The following DLGAP2 variants were observed in gnomAD, a reference collection of about 807,000 sequenced individuals.
DLGAP2 encodes the protein DLG associated protein 2.
A neutral mutation model predicts 100.3 loss-of-function variants in DLGAP2; 26 were observed. The observed-to-expected ratio is 0.26, with a 90% CI of 0.19 to 0.36. DLGAP2 has a LOEUF of 0.36. Ranked by LOEUF, DLGAP2 falls within the 10% of genes least tolerant of loss-of-function variation. The pLI is 1.00. For missense variants in DLGAP2, 1,858 were observed against 1,453.2 expected (o/e 1.28, Z -4.53); for synonymous variants, 886 against 630.1 (o/e 1.41, Z -6.08).
At chr8:1,592,468 C>A (rs907957712) in intron 6 of DLGAP2, among the ~76,000 whole-genome samples, 4 of 152,024 alleles carry the variant, frequency 2.6e-5, no homozygotes, top group African/African-American at 9.7e-5. Context: ...AAATATGGTC[C>A]TGTTGCACAT....
intron 3 of DLGAP2, among the ~76,000 whole-genome samples, chr8:1,360,405 G>C (rs1801957006): frequency 6.6e-6 from 1 of 152,082 alleles, no homozygotes; most frequent in Admixed American, 6.5e-5. Flanking sequence ...GCCTGTGTTG[G>C]AGTAGAGTGC....
chr8:1,575,142 C>T (rs1314710588), intron 6 of DLGAP2, among the ~76,000 whole-genome samples: 1 of 152,158 alleles, frequency 6.6e-6, no homozygotes. Context: ...GACTAGTATT[C>T]CACACCGTAT....
chr8:1,130,720 A>T (rs1250885217), intron 2 of DLGAP2, among the ~76,000 whole-genome samples: 1 of 152,234 alleles, frequency 6.6e-6, no homozygotes, highest in Admixed American at 6.5e-5. Context: ...AGGGCGTCCC[A>T]AGACAGACCG....
intron 4 of DLGAP2, among the ~76,000 whole-genome samples, chr8:1,505,877 C>T (rs1290039794): frequency 1.3e-5 from 2 of 152,090 alleles, no homozygotes. Flanking sequence ...TTATTTGCAT[C>T]TATGAAGAGT....
chr8:1,429,468 A>G (rs555127441), intron 3 of DLGAP2, among the ~76,000 whole-genome samples: 50 of 152,316 alleles, frequency 3.3e-4, no homozygotes, highest in African/African-American at 1.2e-3. Context: ...AACAAAGTAC[A>G]GGAGACATAA....
chr8:1,240,095 C>G (rs1315756195), intron 2 of DLGAP2, among the ~76,000 whole-genome samples: 3 of 150,770 alleles, frequency 2.0e-5, no homozygotes, highest in Non-Finnish European at 2.9e-5. Context: ...TTCTAGTTCT[C>G]TCACATGGCG....
intron 2 of DLGAP2, among the ~76,000 whole-genome samples, chr8:1,062,675 C>A (rs576090766): frequency 1.3e-5 from 2 of 152,248 alleles, no homozygotes; most frequent in East Asian, 3.9e-4. Context: ...ATAGGTCTTG[C>A]CTTTCTTATA....
chr8:1,565,357 C>T (rs1040460487), intron 5 of DLGAP2, among the ~76,000 whole-genome samples: 17 of 150,192 alleles, frequency 1.1e-4, no homozygotes, highest in African/African-American at 4.2e-4. Flanking sequence ...TCAATTTCCT[C>T]TTATACCAGA....
intron 5 of DLGAP2, among the ~76,000 whole-genome samples, chr8:1,557,192 A>G (rs928164260): frequency 1.3e-5 from 2 of 152,294 alleles, no homozygotes; most frequent in Middle Eastern, 3.4e-3. Context: ...TGGGGGCAGA[A>G]TTACCTGGTT....
chr8:1,387,814 A>G (rs1796254479), intron 3 of DLGAP2, among the ~76,000 whole-genome samples: 1 of 152,160 alleles, frequency 6.6e-6, no homozygotes, highest in South Asian at 2.1e-4. Context: ...GAACCAGGAA[A>G]AGGCATGAAA....
intron 2 of DLGAP2, among the ~76,000 whole-genome samples, chr8:1,228,105 C>T (rs1798459747): frequency 6.6e-6 from 1 of 152,062 alleles, no homozygotes; most frequent in African/African-American, 2.4e-5. Context: ...GGAGGGATAG[C>T]ACTAGGAGAT....
At chr8:1,453,616 G>A (rs1365271570) in intron 3 of DLGAP2, among the ~76,000 whole-genome samples, 1 of 152,146 alleles carries the variant, frequency 6.6e-6, no homozygotes, top group Non-Finnish European at 1.5e-5. Flanking sequence ...GGGGTCCCTT[G>A]CAAGAAGCAT....
At chr8:1,106,872 T>C (rs939813088) in intron 2 of DLGAP2, among the ~76,000 whole-genome samples, 1 of 152,164 alleles carries the variant, frequency 6.6e-6, no homozygotes, top group Non-Finnish European at 1.5e-5. Context: ...AATTATCAAA[T>C]GAGAATAGAA....
intron 3 of DLGAP2, among the ~76,000 whole-genome samples, chr8:1,359,730 C>G (rs892170990): frequency 6.6e-6 from 1 of 152,224 alleles, no homozygotes; most frequent in Admixed American, 6.5e-5. Context: ...GCGTTCCCTG[C>G]GCAGCGTGGG....
intron 8 of DLGAP2, among the ~76,000 whole-genome samples, chr8:1,649,830 A>G (rs1008666570): frequency 1.3e-5 from 2 of 152,192 alleles, no homozygotes; most frequent in African/African-American, 4.8e-5. Flanking sequence ...GAATATTTGT[A>G]TCTCTATTTA....
intron 3 of DLGAP2, among the ~76,000 whole-genome samples, chr8:1,310,682 G>C (rs1026857428): frequency 2.6e-5 from 4 of 151,880 alleles, no homozygotes; most frequent in African/African-American, 9.7e-5. Context: ...TTTTGAGATG[G>C]AGTCTCACTC....
intron 2 of DLGAP2, among the ~76,000 whole-genome samples, chr8:1,071,274 C>G (rs1372035008): frequency 6.6e-6 from 1 of 152,212 alleles, no homozygotes; most frequent in African/African-American, 2.4e-5. Flanking sequence ...TCACCTTTTT[C>G]TTGTGGGTGA....
In DLGAP2 at chr8:1,202,525, G is replaced by T. The variant is rs2116762625; in HGVS notation, c.74-56326G>T. 1.3e-5 allele frequency among the ~76,000 whole-genome samples: 2 copies of T among 152,262 alleles called. 1 individual carries two copies. Among genetic ancestry groups the T allele is most frequent in the Middle Eastern group, 6.8e-3 (2 of 294 alleles). Reference sequence around the variant, plus strand: ...TCAGACATACAAAAACATGTTTTAAGGAATGTATTCCAAGTCCATTTTCTA... The same window carrying T: ...TCAGACATACAAAAACATGTTTTAATGAATGTATTCCAAGTCCATTTTCTA... On this transcript the variant is annotated intron_variant, in intron 2 of 14. Coordinates refer to ENST00000637795, the MANE Select transcript of DLGAP2 (RefSeq NM_001346810.2).
chr8:1,043,030 G>A (rs1234256138), intron 2 of DLGAP2, among the ~76,000 whole-genome samples: 1 of 148,072 alleles, frequency 6.8e-6, no homozygotes, highest in East Asian at 2.1e-4. Flanking sequence ...GTGGGTGGTG[G>A]ATGTGGGTGG....
Sources: allele counts gnomAD v4.1 joint callset (sites outside exome capture counted in the v4.1 genomes callset), GRCh38; gene constraint gnomAD v4.1.1; transcripts MANE v1.5; gene names NCBI Gene and HGNC (gene_info 2026-07-23, HGNC 2026-07-21).